The following KNTC1 variants were observed in gnomAD, a reference collection of about 807,000 sequenced individuals.
The protein encoded by KNTC1 is kinetochore-associated protein 1.
KNTC1 carries 253 observed loss-of-function variants against 314.4 expected under a neutral mutation model. The ratio of observed to expected loss-of-function variants is 0.80; its 90% CI spans 0.73 to 0.89. The LOEUF (loss-of-function observed/expected upper bound fraction) is 0.89, where lower values mean the gene tolerates loss of function less well. KNTC1 is among the 40% of genes least tolerant of loss of function. The probability of loss-of-function intolerance (pLI) is 0.00; values close to 1 mark genes in which losing one functional copy is unlikely to be tolerated. For missense variants in KNTC1, 2,475 were observed against 2,572.9 expected, an observed-to-expected ratio of 0.96 and a Z score of 0.82; for synonymous variants, 901 against 901.4, an observed-to-expected ratio of 1.00 and a Z score of 0.01.
intron 53 of KNTC1, chr12:122,611,535 A>G (rs1873121646): frequency 6.6e-6 from 1 of 152,350 alleles, no homozygotes. Context: ...TAAAAATGGT[A>G]TTCCATGAAA....
intron 8 of KNTC1, among the ~76,000 whole-genome samples, chr12:122,544,642 T>G (rs1851121897): frequency 6.6e-6 from 1 of 152,168 alleles, no homozygotes; most frequent in Non-Finnish European, 1.5e-5. Context: ...AAAATTATGG[T>G]CATCATAGTT....
rs571172920 is a variant in KNTC1 at position 122,620,958 on chromosome 12, A to AGAT, written c.6279+352_6279+354dup. ...AGGACAAGAAGTGAAACAGTTGGGAAGATGTTGCATTTGAGTAGAATTTTA... is the reference window on the plus strand; with the variant it reads ...AGGACAAGAAGTGAAACAGTTGGGAAGATGATGTTGCATTTGAGTAGAATTTTA... On this transcript the variant is annotated intron_variant, in intron 60 of 63. Coordinates refer to ENST00000333479, the MANE Select transcript of KNTC1 (RefSeq NM_014708.6). Among the ~76,000 whole-genome samples the AGAT allele has an allele frequency of 2.8e-4, 42 of 152,370 alleles. 1 individual carries two copies. The East Asian group carries it at 7.9e-3, about 29-fold the overall frequency.
intron 57 of KNTC1, chr12:122,617,351 C>T: frequency 6.8e-6 from 3 of 439,652 alleles, no homozygotes; most frequent in Non-Finnish European, 9.1e-6. Flanking sequence ...CTTAACCACT[C>T]CTCTATTGAT....
At chr12:122,618,276 C>T (rs1333256956) in intron 57 of KNTC1, 67 bp from the exon 58 acceptor site, 2 of 1,446,708 alleles carry the variant, frequency 1.4e-6, no homozygotes, top group African/African-American at 2.8e-5. Context: ...CTGGCCTAGA[C>T]TGCAAATTAA....
chr12:122,609,946 G>A (rs563465442), intron 52 of KNTC1, among the ~76,000 whole-genome samples: 1 of 152,358 alleles, frequency 6.6e-6, no homozygotes, highest in African/African-American at 2.4e-5. Context: ...CCTGGCACAG[G>A]CATGGATAAG....
chr12:122,614,628 C>G (rs1873569101), intron 55 of KNTC1, among the ~76,000 whole-genome samples: 1 of 152,068 alleles, frequency 6.6e-6, no homozygotes, highest in African/African-American at 2.4e-5. Flanking sequence ...TGCCTGTAAT[C>G]TCAGTACTTT....
At chr12:122,580,013 T>C in intron 32 of KNTC1, 36 bp downstream of exon 32, 1 of 1,412,692 alleles carries the variant, frequency 7.1e-7, no homozygotes, top group Non-Finnish European at 1.0e-6. Context: ...CTCAGTTTTG[T>C]TCCAAAGCTC....
intron 21 of KNTC1, among the ~76,000 whole-genome samples, chr12:122,568,880 T>C (rs7952940): frequency 0.96 from 145,709 of 152,198 alleles, 69,856 homozygotes; most frequent in East Asian, 1. Context: ...GAAAATTGTC[T>C]TCTGATAATA....
Position 122,610,909 on chromosome 12 carries a change from T to C in KNTC1, c.5622+9T>C. On this transcript the variant is annotated intron_variant, in intron 53 of 63. Transcript: ENST00000333479. ...CAACATCAACTACAACCGTAAGCTC[T>C]AGAAACTTAATCCAAACTCTTCTGT... 1 of 1,598,800 alleles carries C rather than the reference T, an allele frequency of 6.3e-7. No individual in the cohort carries two copies. The highest frequency in any genetic ancestry group is 8.6e-7 in the Non-Finnish European group (1 of 1,166,366).
chr12:122,586,414 T>G (rs1194689423), intron 37 of KNTC1, among the ~76,000 whole-genome samples: 2 of 152,200 alleles, frequency 1.3e-5, no homozygotes, highest in Admixed American at 6.5e-5. Flanking sequence ...ATGCTGCTTC[T>G]TCAGTTTGTG....
intron 16 of KNTC1, among the ~76,000 whole-genome samples, chr12:122,552,625 A>G (rs918546325): frequency 2.0e-5 from 3 of 152,112 alleles, no homozygotes; most frequent in Admixed American, 1.3e-4. Context: ...TGGCCTCCCA[A>G]AGTTTTGAGA....
intron 29 of KNTC1, among the ~76,000 whole-genome samples, chr12:122,576,418 C>T (rs375964604): frequency 5.9e-5 from 9 of 152,200 alleles, no homozygotes; most frequent in African/African-American, 2.2e-4. Flanking sequence ...CGGTGGCTCA[C>T]ACCCGTAATC....
At chr12:122,616,512 C>T (rs892915256) in intron 57 of KNTC1, among the ~76,000 whole-genome samples, 3 of 152,288 alleles carry the variant, frequency 2.0e-5, no homozygotes, top group South Asian at 2.1e-4. Flanking sequence ...CCGCCTGCCT[C>T]GGCCTCCCAA....
chr12:122,591,561 C>T, intron 42 of KNTC1, 108 bp downstream of exon 42: 1 of 667,632 alleles, frequency 1.5e-6, no homozygotes. Flanking sequence ...TGTATGTGTA[C>T]TGCCTCATAC....
At chr12:122,559,332 T>G (rs1448736693) in intron 18 of KNTC1, among the ~76,000 whole-genome samples, 1 of 152,040 alleles carries the variant, frequency 6.6e-6, no homozygotes, top group Non-Finnish European at 1.5e-5. Flanking sequence ...GGAGCAAGAC[T>G]CTGTCCCAAA....
rs1300405349 is a variant in KNTC1 at position 122,534,733 on chromosome 12, G to C, written c.199G>C (p.Val67Leu). Residue 67 changes from valine to leucine, a missense_variant, in exon 3 of 64, where the codon GTG (valine) becomes CTG (leucine). Physicochemically the swap from Val to Leu is conservative, Grantham distance 32. Coordinates refer to ENST00000333479, the MANE Select transcript of KNTC1 (RefSeq NM_014708.6). ...DGFIIVADQS[V>L]ILLDSICRSL... ...GTTTATTATTGTAGCCGACCAATCAGTGATATTGCTTGACAGTATTTGTAG... is the reference window on the plus strand; with the variant it reads ...GTTTATTATTGTAGCCGACCAATCACTGATATTGCTTGACAGTATTTGTAG... 1 of 1,611,688 alleles carries C rather than the reference G, an allele frequency of 6.2e-7. No homozygotes were observed. The highest frequency in any genetic ancestry group is 8.5e-7 in the Non-Finnish European group (1 of 1,178,346).
chr12:122,577,607 G>C, intron 30 of KNTC1, 65 bp from the exon 31 acceptor site: 6 of 1,475,776 alleles, frequency 4.1e-6, no homozygotes, highest in Non-Finnish European at 4.5e-6. Flanking sequence ...AAAAGAAAGA[G>C]GTAAGGCCAC....
chr12:122,580,093 T>C, intron 32 of KNTC1, 116 bp downstream of exon 32: 2 of 673,504 alleles, frequency 3.0e-6, no homozygotes, highest in Non-Finnish European at 5.2e-6. Context: ...CTGATTGTCT[T>C]TATTGATCTT....
chr12:122,600,500 G>T (rs1200522652), intron 44 of KNTC1, among the ~76,000 whole-genome samples: 1 of 152,112 alleles, frequency 6.6e-6, no homozygotes, highest in African/African-American at 2.4e-5. Flanking sequence ...TGAGAAACTT[G>T]CTTGGAGGCC....
Sources: gnomAD v4.1 joint callset for allele counts (sites outside exome capture counted in the v4.1 genomes callset) on GRCh38, gnomAD v4.1.1 for gene constraint, MANE v1.5 for transcripts, NCBI Gene and HGNC (gene_info 2026-07-23, HGNC 2026-07-21) for gene names.